The following PCNX2 variants were observed in gnomAD, a reference collection of about 807,000 sequenced individuals.
PCNX2 encodes pecanex 2.
A neutral mutation model predicts 223.8 loss-of-function variants in PCNX2; 168 were observed. The observed-to-expected ratio is 0.75, with a 90% CI of 0.66 to 0.85. PCNX2 has a LOEUF of 0.85. PCNX2 is among the 40% of genes least tolerant of loss of function. The pLI is 0.00. For synonymous variants in PCNX2, 1,006 were observed against 1,052.6 expected, an observed-to-expected ratio of 0.96 and a Z score of 0.86; for missense variants, 2,507 against 2,675.5, an observed-to-expected ratio of 0.94 and a Z score of 1.39.
At chr1:233,066,028 C>A (rs1367851177) in intron 23 of PCNX2, among the ~76,000 whole-genome samples, 1 of 152,220 alleles carries the variant, frequency 6.6e-6, no homozygotes, top group Non-Finnish European at 1.5e-5. Context: ...TGCACTCCCC[C>A]ATTCCGAGCC....
Position 233,236,934 on chromosome 1 carries a change from C to G in PCNX2, c.2269G>C (p.Asp757His). The G allele has an allele frequency of 6.2e-7, 1 of 1,614,030 alleles. No homozygotes were observed. The highest frequency in any genetic ancestry group is 8.5e-7 in the Non-Finnish European group (1 of 1,179,878). The change falls in exon 9 of 34, where the codon GAT becomes CAT. Residue 757 changes from aspartate to histidine, a missense_variant. By Grantham distance (81) the Asp-to-His change is moderately conservative. Transcript: ENST00000258229. ...SSSTTTSESQDPSSGDPAVSA... is the reference protein window; with the variant it reads ...SSSTTTSESQHPSSGDPAVSA... ...ACGGCAGGGTCCCCAGAAGACGGAT[C>G]TTGACTCTCAGAAGTTGTGGTACTG...
intron 25 of PCNX2, among the ~76,000 whole-genome samples, chr1:233,053,792 G>T (rs926007591): frequency 2.6e-5 from 4 of 152,146 alleles, no homozygotes; most frequent in South Asian, 2.1e-4. Context: ...CCTTCTACAT[G>T]ATCTCATTTA....
intron 4 of PCNX2, chr1:233,259,948 ATAATT>A (rs1372220349): frequency 4.0e-6 from 2 of 497,716 alleles, no homozygotes; most frequent in African/African-American, 4.2e-5. Flanking sequence ...GGTATTATAA[ATAATT>A]TAGAGATAAT....
At chr1:233,097,075 C>T (rs570322711) in intron 21 of PCNX2, among the ~76,000 whole-genome samples, 1 of 152,140 alleles carries the variant, frequency 6.6e-6, no homozygotes, top group East Asian at 1.9e-4. Context: ...ATTGGGTAGG[C>T]CATAGTATAT....
At chr1:233,210,386 T>C (rs1681752074) in intron 12 of PCNX2, 2 of 153,874 alleles carry the variant, frequency 1.3e-5, no homozygotes, top group African/African-American at 4.8e-5. Context: ...CAAGTCATTC[T>C]CCTGCCTCAG....
chr1:233,266,398 A>G (rs975649072), intron 1 of PCNX2, among the ~76,000 whole-genome samples: 5 of 152,044 alleles, frequency 3.3e-5, no homozygotes, highest in African/African-American at 1.2e-4. Context: ...TCCAAATTGA[A>G]TCTAGCATCT....
chr1:233,322,270 GAT>G, the PCNX2 span, among the ~76,000 whole-genome samples: 2 of 151,982 alleles, frequency 1.3e-5, no homozygotes, highest in Admixed American at 6.6e-5. Context: ...CTTGTGTTGC[GAT>G]ATATGTCCTT....
At chr1:233,082,186 A>G (rs1673394343) in intron 23 of PCNX2, among the ~76,000 whole-genome samples, 1 of 152,206 alleles carries the variant, frequency 6.6e-6, no homozygotes, top group Non-Finnish European at 1.5e-5. Flanking sequence ...AAGAAAAATG[A>G]AAGTCTACTT....
intron 17 of PCNX2, among the ~76,000 whole-genome samples, chr1:233,169,632 G>C (rs188369030): frequency 8.3e-6 from 1 of 120,414 alleles, no homozygotes; most frequent in Non-Finnish European, 1.7e-5. Flanking sequence ...GCGACAGAGC[G>C]AAACTCCGTC....
At chr1:233,015,007 C>T (rs938361182) in intron 27 of PCNX2, among the ~76,000 whole-genome samples, 3 of 152,048 alleles carry the variant, frequency 2.0e-5, no homozygotes, top group African/African-American at 2.4e-5. Flanking sequence ...GAGAAAAGGG[C>T]CTACAATGTG....
chr1:233,124,298 G>A (rs1167565520), intron 21 of PCNX2, among the ~76,000 whole-genome samples: 2 of 152,132 alleles, frequency 1.3e-5, no homozygotes, highest in East Asian at 1.9e-4. Flanking sequence ...TGTTATTATG[G>A]GGGTTAGTCT....
rs756826239 is a variant in PCNX2, at chr1:233,236,998, A to G, written c.2223-18T>C. On this transcript the variant is annotated intron_variant, in intron 8 of 33. Transcript: ENST00000258229. ...GCATCTCTCTGAGGATGGGCAAAAC[A>G]AAAGCTTTGGTTACCTGGTAATACC... 27 of 1,613,428 alleles carry G rather than the reference A, an allele frequency of 1.7e-5. 1 individual carries two copies. Among genetic ancestry groups the G allele is most frequent in the Non-Finnish European group, 2.3e-5 (27 of 1,179,662 alleles).
At chr1:233,071,113 C>T (rs1432366976) in intron 23 of PCNX2, among the ~76,000 whole-genome samples, 1 of 152,150 alleles carries the variant, frequency 6.6e-6, no homozygotes, top group Admixed American at 6.5e-5. Flanking sequence ...ATTACTTCCC[C>T]ATAAGATTGG....
Position 233,198,985 on chromosome 1 carries a change from ACGCTC to A in PCNX2, c.3015_3019del (p.Ser1006LeufsTer47). 1 of 1,605,948 alleles carries A rather than the reference ACGCTC, an allele frequency of 6.2e-7. No individual in the cohort carries two copies. The highest frequency in any genetic ancestry group is 1.1e-5 in the South Asian group (1 of 88,918). On this transcript the variant is annotated frameshift_variant, in exon 15 of 34. Coordinates refer to ENST00000258229, the MANE Select transcript of PCNX2 (RefSeq NM_014801.4). LOFTEE classifies it high-confidence loss of function. ...TGCGTGGAGCAGGGCGGCAGCCAAG[ACGCTC>A]CGGGCCACACTGTAAACAGCCGAGG...
the PCNX2 span, among the ~76,000 whole-genome samples, chr1:233,315,374 T>G: frequency 6.6e-6 from 1 of 152,268 alleles, no homozygotes; most frequent in South Asian, 2.1e-4. Context: ...TTATTTAGTC[T>G]TTCTCTTCTG....
chr1:233,243,744 A>C (rs1658925067), intron 8 of PCNX2, among the ~76,000 whole-genome samples: 1 of 152,218 alleles, frequency 6.6e-6, no homozygotes, highest in Non-Finnish European at 1.5e-5. Context: ...TTCTATCCAA[A>C]GACAGTAACA....
chr1:233,268,916 G>C (rs1660488410), intron 1 of PCNX2, among the ~76,000 whole-genome samples: 1 of 152,182 alleles, frequency 6.6e-6, no homozygotes. Context: ...GGCCAAGAAG[G>C]TGTGTCTGGG....
intron 8 of PCNX2, among the ~76,000 whole-genome samples, chr1:233,248,921 G>C (rs935200995): frequency 6.6e-6 from 1 of 152,186 alleles, no homozygotes; most frequent in East Asian, 1.9e-4. Flanking sequence ...TGTCCAGGCA[G>C]CTGTGGAAAT....
chr1:233,004,135 A>G (rs1218286691), intron 28 of PCNX2, among the ~76,000 whole-genome samples: 2 of 152,228 alleles, frequency 1.3e-5, no homozygotes, highest in Non-Finnish European at 2.9e-5. Flanking sequence ...AACTTAAAGT[A>G]TAATTAAAAA....
Sources: allele counts gnomAD v4.1 joint callset (sites outside exome capture counted in the v4.1 genomes callset), GRCh38; gene constraint gnomAD v4.1.1; transcripts MANE v1.5; gene names NCBI Gene and HGNC (gene_info 2026-07-23, HGNC 2026-07-21).